The following ZNF536 variants were observed in gnomAD, a reference collection of about 807,000 sequenced individuals.
ZNF536 encodes the protein zinc finger protein 536.
In ZNF536, 13 loss-of-function variants were observed where a neutral mutation model predicts 84.5. The observed-to-expected ratio is 0.15, with a 90% confidence interval of 0.10 to 0.24. ZNF536 has a LOEUF of 0.24. ZNF536 is among the 10% of genes least tolerant of loss of function. The pLI, the probability that ZNF536 is intolerant of heterozygous loss-of-function variation, is 1.00. For missense variants in ZNF536, 1,536 were observed against 1,747.5 expected, an observed-to-expected ratio of 0.88 and a Z score of 2.16; for synonymous variants, 811 against 742.5, an observed-to-expected ratio of 1.09 and a Z score of -1.50.
intron 1 of ZNF536, among the ~76,000 whole-genome samples, chr19:30,412,619 A>G (rs1169841918): frequency 6.6e-6 from 1 of 152,052 alleles, no homozygotes; most frequent in Non-Finnish European, 1.5e-5. Context: ...AGCTTCTAAT[A>G]GAAAGTAGTA....
chr19:30,648,971 G>A (rs137944819), intron 1 of ZNF536, among the ~76,000 whole-genome samples: 26 of 152,256 alleles, frequency 1.7e-4, no homozygotes, highest in Middle Eastern at 3.4e-3. Context: ...CTGTTTCTCC[G>A]ACCACTGTTT....
At chr19:30,632,651 AAACC>A (rs34446654) in intron 1 of ZNF536, among the ~76,000 whole-genome samples, 123,023 of 149,558 alleles carry the variant, frequency 0.82, 50,706 homozygotes, top group Middle Eastern at 0.89. Context: ...ATCAACCAAC[AAACC>A]AACCAACCAA....
intron 1 of ZNF536, among the ~76,000 whole-genome samples, chr19:30,232,810 G>A (rs946164888): frequency 9.9e-5 from 15 of 152,200 alleles, no homozygotes; most frequent in South Asian, 4.1e-4. Flanking sequence ...CGTGCTGTGC[G>A]TTGTAGGATG....
At chr19:30,328,000 C>G (rs193279322) in intron 2 of ZNF536, among the ~76,000 whole-genome samples, 23 of 152,326 alleles carry the variant, frequency 1.5e-4, no homozygotes, top group Admixed American at 2.6e-4. Context: ...TTCCTCTTCT[C>G]TCAGATAGGG....
intron 3 of ZNF536, among the ~76,000 whole-genome samples, chr19:30,547,231 A>G (rs2045591820): frequency 6.6e-6 from 1 of 152,156 alleles, no homozygotes; most frequent in African/African-American, 2.4e-5. Flanking sequence ...TTTAAGTTTT[A>G]TTGACTGCTT....
intron 3 of ZNF536, among the ~76,000 whole-genome samples, chr19:30,363,030 G>A (rs577598698): frequency 2.6e-5 from 4 of 152,114 alleles, no homozygotes; most frequent in African/African-American, 9.6e-5. Context: ...CTGCACTCCA[G>A]CCTGGGCAAC....
At chr19:30,458,457 T>G (rs1248786728) in intron 2 of ZNF536, among the ~76,000 whole-genome samples, 3 of 145,378 alleles carry the variant, frequency 2.1e-5, no homozygotes, top group Admixed American at 6.8e-5. Flanking sequence ...GTTTTTTTTT[T>G]TTTTTTTTTT....
intron 1 of ZNF536, among the ~76,000 whole-genome samples, chr19:30,398,388 C>T (rs367933007): frequency 6.8e-6 from 1 of 147,056 alleles, no homozygotes; most frequent in African/African-American, 2.5e-5. Flanking sequence ...TTTTCTTTTT[C>T]TTTTTTTTTT....
rs373258481 is a variant in ZNF536 at position 30,237,443 on chromosome 19, C to T, written c.-190+8770C>T. Among the ~76,000 whole-genome samples the T allele has an allele frequency of 4.7e-4, 72 of 152,240 alleles. 3 individuals are homozygous for T. The South Asian group carries it at 0.014, about 30-fold the overall frequency. On this transcript the variant is annotated intron_variant, in intron 1 of 5. Transcript: ENST00000585628. ...TAGGAATCAGAGGGCTTAGCAGAATCAAACACAAAATCATAATATGATAAT... is the reference window on the plus strand; with the variant it reads ...TAGGAATCAGAGGGCTTAGCAGAATTAAACACAAAATCATAATATGATAAT...
intron 2 of ZNF536, among the ~76,000 whole-genome samples, chr19:30,288,208 T>C (rs149652319): frequency 2.6e-4 from 39 of 152,250 alleles, no homozygotes; most frequent in African/African-American, 8.7e-4. Context: ...GATGAGGGAT[T>C]TATGAGGCTG....
intron 1 of ZNF536, among the ~76,000 whole-genome samples, chr19:30,683,159 C>A (rs1054471032): frequency 1.3e-5 from 2 of 152,138 alleles, no homozygotes; most frequent in African/African-American, 4.8e-5. Context: ...CGAAAGACCA[C>A]CTTTATGGCT....
chr19:30,392,678 A>C (rs2049647128), intron 1 of ZNF536, among the ~76,000 whole-genome samples: 1 of 152,196 alleles, frequency 6.6e-6, no homozygotes, highest in South Asian at 2.1e-4. Context: ...AAGCTCCCAA[A>C]CAAAGAGTTA....
At chr19:30,701,189 T>A (rs1303539945) in intron 1 of ZNF536, among the ~76,000 whole-genome samples, 2 of 57,880 alleles carry the variant, frequency 3.5e-5, no homozygotes, top group South Asian at 5.4e-4. Flanking sequence ...TATATCTCAC[T>A]CTCACACACA....
At chr19:30,283,307 G>A (rs1250114481) in intron 1 of ZNF536, among the ~76,000 whole-genome samples, 1 of 152,194 alleles carries the variant, frequency 6.6e-6, no homozygotes, top group Non-Finnish European at 1.5e-5. Context: ...ATCACAGGCT[G>A]GGGGCTGGCC....
At chr19:30,708,007 T>C (rs1249216244) in intron 1 of ZNF536, among the ~76,000 whole-genome samples, 2 of 69,498 alleles carry the variant, frequency 2.9e-5, no homozygotes, top group Admixed American at 1.4e-4. Flanking sequence ...TGAGACTCCA[T>C]CAAAAAAAAA....
intron 2 of ZNF536, among the ~76,000 whole-genome samples, chr19:30,518,688 C>T (rs560969066): frequency 3.3e-5 from 5 of 152,210 alleles, no homozygotes; most frequent in South Asian, 2.1e-4. Flanking sequence ...TCACTGGTAT[C>T]GAATCGAGCA....
At chr19:30,585,745 T>A (rs147916657) in intron 1 of ZNF536, among the ~76,000 whole-genome samples, 2,986 of 152,270 alleles carry the variant, frequency 0.02, 36 homozygotes, top group Middle Eastern at 0.031. Flanking sequence ...TCTCCCCTGA[T>A]GACCTTCCCT....
At chr19:30,377,881 C>T (rs2048877219) in intron 1 of ZNF536, among the ~76,000 whole-genome samples, 1 of 152,154 alleles carries the variant, frequency 6.6e-6, no homozygotes, top group Admixed American at 6.5e-5. Flanking sequence ...TACCCAGCTC[C>T]TATTCAAGAT....
chr19:30,569,678 C>T (rs1042622653), intron 1 of ZNF536, among the ~76,000 whole-genome samples: 1 of 135,766 alleles, frequency 7.4e-6, no homozygotes, highest in Non-Finnish European at 1.5e-5. Context: ...TCAAGTGATT[C>T]TCTTGCCTCC....
Sources: allele counts gnomAD v4.1 joint callset (sites outside exome capture counted in the v4.1 genomes callset), GRCh38; gene constraint gnomAD v4.1.1; transcripts MANE v1.5; gene names NCBI Gene and HGNC (gene_info 2026-07-23, HGNC 2026-07-21).